The following CCDC127 variants were observed in gnomAD, a reference collection of about 807,000 sequenced individuals.
The protein encoded by CCDC127 is coiled-coil domain-containing protein 127.
In CCDC127, 2 loss-of-function variants were observed where a neutral mutation model predicts 4.1. That is an observed-to-expected ratio of 0.49 (90% CI 0.20 to 1.53). The LOEUF is 1.53. CCDC127 is among the 40% of genes most tolerant of loss of function. The pLI is 0.23. For missense variants in CCDC127, 271 were observed against 322.9 expected (o/e 0.84, Z 1.23); for synonymous variants, 98 against 120.4 (o/e 0.81, Z 1.22).
intron 2 of CCDC127, among the ~76,000 whole-genome samples, chr5:207,354 C>T (rs1314949725): frequency 2.0e-5 from 3 of 152,220 alleles, no homozygotes; most frequent in Admixed American, 6.5e-5. Context: ...CGAGAGCTCA[C>T]AGGCAGGGGC....
intron 2 of CCDC127, 63 bp downstream of exon 2, chr5:216,665 TC>T: frequency 6.2e-7 from 1 of 1,610,036 alleles, no homozygotes; most frequent in Non-Finnish European, 8.5e-7. Context: ...CCATGCTGCC[TC>T]CCTCACCGGG....
intron 2 of CCDC127, among the ~76,000 whole-genome samples, chr5:207,121 T>G (rs1734191978): frequency 1.3e-5 from 2 of 152,220 alleles, no homozygotes; most frequent in African/African-American, 4.8e-5. Context: ...AGGTCATTAA[T>G]GGTCACCTTT....
At position 197,315 on chromosome 5, in the gene CCDC127, T is replaced by A. The variant is rs905837618; in HGVS notation, c.*7982A>T. The A allele has an allele frequency of 1.3e-5, 2 of 152,202 alleles. No individual in the cohort carries two copies. Among genetic ancestry groups the A allele is most frequent in the African/African-American group, 4.8e-5 (2 of 41,450 alleles). 9.4% of individuals were successfully genotyped at this position (152,202 alleles called of 1,614,324 possible). On this transcript the variant is annotated 3_prime_UTR_variant, in exon 3 of 3. Transcript: ENST00000296824. ...TTCTCTCTCTCAACTGCAAGAGGCT[T>A]TCGTCTTTTACTAACCCATGTCAGC...
Position 198,227 on chromosome 5 carries a change from A to C in CCDC127, c.*7070T>G, listed in dbSNP as rs1314325902. The C allele has an allele frequency of 6.6e-6, 1 of 152,252 alleles. No individual in the cohort carries two copies. Among genetic ancestry groups the C allele is most frequent in the African/African-American group, 2.4e-5 (1 of 41,436 alleles). 9.4% of individuals were successfully genotyped at this position (152,252 alleles called of 1,614,324 possible). ...TCTCTGCCTGCTCTGCAACCACCTAAGTGCTCTCTGCACACTGCAGGCAGT... is the reference window on the plus strand; with the variant it reads ...TCTCTGCCTGCTCTGCAACCACCTACGTGCTCTCTGCACACTGCAGGCAGT... On this transcript the variant is annotated 3_prime_UTR_variant, in exon 3 of 3. Coordinates refer to ENST00000296824, the MANE Select transcript of CCDC127 (RefSeq NM_145265.3).
rs1734465341 is a variant in CCDC127, at chr5:218,060, C to T, written c.-11+33G>A. The T allele has an allele frequency of 6.3e-6, 7 of 1,119,014 alleles. No homozygotes were observed. In the East Asian group the frequency reaches 2.9e-4, roughly 47 times the overall value. The allele number at this position is 1,119,014 out of a possible 1,614,324, so 69.3% of individuals were successfully genotyped here. ...CCACGGGGCTTTAAAAATGTTGGTG[C>T]CCACCACCTCCCCGGAACAGGGCCC... is the stretch of plus-strand genomic sequence containing the variant. On this transcript the variant is annotated intron_variant, in intron 1 of 2. Transcript: ENST00000296824.
chr5:210,391 A>G (rs1734257896), intron 2 of CCDC127, among the ~76,000 whole-genome samples: 1 of 152,232 alleles, frequency 6.6e-6, no homozygotes, highest in African/African-American at 2.4e-5. Context: ...CAAGCCACAT[A>G]TGCAACTAAG....
chr5:207,859 C>T (rs72720497), intron 2 of CCDC127, among the ~76,000 whole-genome samples: 16,481 of 152,050 alleles, frequency 0.11, 1,082 homozygotes, highest in Non-Finnish European at 0.13. Flanking sequence ...AATCTGGGGA[C>T]GATCTCAGTC....
At chr5:214,944 C>T (rs1734350048) in intron 2 of CCDC127, 1 of 151,904 alleles carries the variant, frequency 6.6e-6, no homozygotes, top group Non-Finnish European at 1.5e-5. Context: ...AGGAGAATCA[C>T]TAGAACCAGG....
At chr5:208,437 A>G (rs930859568) in intron 2 of CCDC127, among the ~76,000 whole-genome samples, 18 of 152,386 alleles carry the variant, frequency 1.2e-4, no homozygotes, top group African/African-American at 4.1e-4. Context: ...AGGCCTGGCA[A>G]GAGAGAAAAT....
Position 200,876 on chromosome 5 carries a change from G to C in CCDC127, c.*4421C>G, listed in dbSNP as rs542246843. ...GCTGCCCCCATCACAGCCAGCCAGC[G>C]TCTACACAGCAGGCTGCCCCCATCA... On this transcript the variant is annotated 3_prime_UTR_variant, in exon 3 of 3. Coordinates refer to ENST00000296824, the MANE Select transcript of CCDC127 (RefSeq NM_145265.3). The C allele has an allele frequency of 9.1e-6, 1 of 109,582 alleles. No homozygotes were observed. Among genetic ancestry groups the C allele is most frequent in the South Asian group, 2.6e-4 (1 of 3,894 alleles). The allele number at this position is 109,582 out of a possible 1,614,324, so 6.8% of individuals were successfully genotyped here.
intron 2 of CCDC127, among the ~76,000 whole-genome samples, chr5:210,462 T>C (rs1448086588): frequency 6.6e-6 from 1 of 152,138 alleles, no homozygotes; most frequent in Non-Finnish European, 1.5e-5. Context: ...CAAACAGTCC[T>C]ATTAGGAAAC....
At chr5:214,379 A>G (rs1039181959) in intron 2 of CCDC127, 6 of 152,174 alleles carry the variant, frequency 3.9e-5, no homozygotes, top group Non-Finnish European at 7.3e-5. Flanking sequence ...CCCCAAAATA[A>G]AATATTTAAT....
At chr5:213,662 C>T (rs1246903349) in intron 2 of CCDC127, among the ~76,000 whole-genome samples, 1 of 152,214 alleles carries the variant, frequency 6.6e-6, no homozygotes, top group Admixed American at 6.5e-5. Flanking sequence ...GCACCACACA[C>T]CCATCAGGAT....
rs376454243 is a variant in CCDC127, at chr5:197,030, A to AG, written c.*8266_*8267insC. 4 of 149,564 alleles carry AG rather than the reference A, an allele frequency of 2.7e-5. No homozygotes were observed. The highest frequency in any genetic ancestry group is 3.9e-4 in the East Asian group (2 of 5,168). 9.3% of individuals were successfully genotyped at this position (149,564 alleles called of 1,614,324 possible). On this transcript the variant is annotated 3_prime_UTR_variant, in exon 3 of 3. Coordinates refer to ENST00000296824, the MANE Select transcript of CCDC127 (RefSeq NM_145265.3). The stretch of plus-strand genomic sequence containing the variant: ...GGTGATAATAAGGAGGAGGTCAGCA[A>AG]AAACGTGTGAGCAAAAGAATCTATG...
chr5:208,151 G>A (rs1319928297), intron 2 of CCDC127, among the ~76,000 whole-genome samples: 1 of 152,154 alleles, frequency 6.6e-6, no homozygotes, highest in Non-Finnish European at 1.5e-5. Context: ...CTGGGAAGAC[G>A]GAGTAGACAT....
chr5:206,532 G>A (rs1734177296), intron 2 of CCDC127, among the ~76,000 whole-genome samples: 1 of 152,216 alleles, frequency 6.6e-6, no homozygotes, highest in Non-Finnish European at 1.5e-5. Flanking sequence ...CTACACCAAG[G>A]AGCAGCAGGG....
At chr5:213,889 C>T in intron 2 of CCDC127, 1 of 152,222 alleles carries the variant, frequency 6.6e-6, no homozygotes, top group Non-Finnish European at 1.5e-5. Context: ...CAAAAACCTA[C>T]ACAAGAATGT....
In CCDC127 at chr5:205,745, T is replaced by G. The variant is rs766569447; in HGVS notation, c.335A>C (p.Lys112Thr). Residue 112 changes from lysine (K) to threonine (T), a missense_variant, in exon 3 of 3, where the codon AAG becomes ACG. This residue lies in a region of CCDC127 where 265 missense variants were observed against 270.9 expected (regional missense o/e 0.98). Transcript: ENST00000296824. ...YREALISQGR[K>T]LVEEKKLLEQ... ...CAGAAGCTTCTTTTCTTCTACCAAC[T>G]TGCGTCCCTGAGAGATAAGGGCTTC... 1 of 1,614,166 alleles carries G rather than the reference T, an allele frequency of 6.2e-7. No homozygotes were observed. Among genetic ancestry groups the G allele is most frequent in the Non-Finnish European group, 8.5e-7 (1 of 1,180,026 alleles).
chr5:210,670 C>T (rs1456716282), intron 2 of CCDC127, among the ~76,000 whole-genome samples: 37 of 141,094 alleles, frequency 2.6e-4, no homozygotes, highest in Middle Eastern at 7.9e-3. Flanking sequence ...CGCTGATGCT[C>T]GACATCGCAC....
Sources: gnomAD v4.1 joint callset for allele counts (sites outside exome capture counted in the v4.1 genomes callset) on GRCh38, gnomAD v4.1.1 for gene constraint, gnomAD v4.1.1 regional missense constraint, MANE v1.5 for transcripts, NCBI Gene and HGNC (gene_info 2026-07-23, HGNC 2026-07-21) for gene names.